Variants in C2orf72 observed in about 807,000 individuals in gnomAD.
C2orf72 encodes the protein uncharacterized protein C2orf72.
C2orf72 carries 16 observed loss-of-function variants against 14.4 expected under a neutral mutation model. That is an observed-to-expected ratio of 1.11 (90% CI 0.75 to 1.69). C2orf72 has a LOEUF of 1.69. Ranked by LOEUF, C2orf72 falls within the 40% of genes most tolerant of loss-of-function variation. The pLI is 0.00. For missense variants in C2orf72, 371 were observed against 358.3 expected (o/e 1.04, Z -0.29); for synonymous variants, 168 against 176.8 (o/e 0.95, Z 0.40).
chr2:231,045,137 G>A (rs772094145), intron 2 of C2orf72, among the ~76,000 whole-genome samples: 3 of 151,754 alleles, frequency 2.0e-5, no homozygotes, highest in South Asian at 2.1e-4. Context: ...GGTGGCACAC[G>A]CCTGTAATCT....
In C2orf72 at chr2:231,047,562, G is replaced by A. The variant is rs1327902099; in HGVS notation, c.*541G>A. 3 of 260,162 alleles carry A rather than the reference G, an allele frequency of 1.2e-5. No individual in the cohort carries two copies. Among genetic ancestry groups the A allele is most frequent in the African/African-American group, 2.2e-5 (1 of 45,264 alleles). The allele number at this position is 260,162 out of a possible 1,614,324, so 16.1% of individuals were successfully genotyped here. ...TCCAGGCAGCATTGGAAATGTGTGT[G>A]TGTTGAGGGGGTCACAGTGACTGTG... On this transcript the variant is annotated 3_prime_UTR_variant, in exon 3 of 3. Transcript: ENST00000373640.
chr2:231,048,517 C>T lies in C2orf72; in HGVS notation c.*1496C>T, dbSNP rs1424720092. 6.5e-6 allele frequency: 1 copy of T among 152,792 alleles called. No homozygotes were observed. The highest frequency in any genetic ancestry group is 1.5e-5 in the Non-Finnish European group (1 of 68,510). The allele number at this position is 152,792 out of a possible 1,614,324, so 9.5% of individuals were successfully genotyped here. A position where few individuals can be genotyped will look rare whatever the true frequency, so the allele number is the denominator to read the frequency against. On this transcript the variant is annotated 3_prime_UTR_variant, in exon 3 of 3. Transcript: ENST00000373640. ...TAGCCCCTACCCCCAGCCCCTTGCTCCTGGACAGCAGTGGGTCTCACCTTT... is the reference window on the plus strand; with the variant it reads ...TAGCCCCTACCCCCAGCCCCTTGCTTCTGGACAGCAGTGGGTCTCACCTTT...
intron 2 of C2orf72, among the ~76,000 whole-genome samples, chr2:231,041,858 A>G (rs1311417909): frequency 2.0e-5 from 3 of 152,126 alleles, no homozygotes; most frequent in Non-Finnish European, 4.4e-5. Context: ...TGCTCAGAAA[A>G]GGGACCACCT....
At position 231,047,017 on chromosome 2, in the gene C2orf72, G is replaced by T; in HGVS notation, c.884G>T (p.Arg295Ile). The T allele has an allele frequency of 6.4e-7, 1 of 1,551,664 alleles. No individual in the cohort carries two copies. The highest frequency in any genetic ancestry group is 8.7e-7 in the Non-Finnish European group (1 of 1,146,994). The change falls in exon 3 of 3, where the codon AGA (arginine) becomes ATA (isoleucine). Residue 295 changes from arginine (R) to isoleucine (I), a missense_variant. Physicochemically the swap from Arg to Ile is moderately conservative, Grantham distance 97. This residue lies in a region of C2orf72 where 145 missense variants were observed against 149.4 expected (regional missense o/e 0.97). Transcript: ENST00000373640. The stretch of plus-strand genomic sequence containing the variant: ...CCTGCTGAGCCCACCGGAGACTCAA[G>T]ATGAAGGCTGGACCCTTGCGCTGTC... ...HTPAEPTGDS[R>I]
chr2:231,041,671 GA>G (rs1002110002), intron 2 of C2orf72, among the ~76,000 whole-genome samples: 44 of 152,182 alleles, frequency 2.9e-4, no homozygotes, highest in Middle Eastern at 3.4e-3. Flanking sequence ...GTGTCTCCAG[GA>G]GCATGGTGGG....
Position 231,047,529 on chromosome 2 carries a change from G to A in C2orf72, c.*508G>A. 1 of 280,240 alleles carries A rather than the reference G, an allele frequency of 3.6e-6. No individual in the cohort carries two copies. The allele number at this position is 280,240 out of a possible 1,614,324, so 17.4% of individuals were successfully genotyped here. On this transcript the variant is annotated 3_prime_UTR_variant, in exon 3 of 3. Coordinates refer to ENST00000373640, the MANE Select transcript of C2orf72 (RefSeq NM_001144994.2). ...CCCAGTGGCTTTAAACCAGGGGCAG[G>A]TTGTCCCTCCAGGCAGCATTGGAAA...
At chr2:231,042,876 T>G (rs150206648) in intron 2 of C2orf72, among the ~76,000 whole-genome samples, 3,100 of 152,312 alleles carry the variant, frequency 0.02, 43 homozygotes, top group Non-Finnish European at 0.035. Context: ...TGGTGGCACA[T>G]GCCTGTAATC....
chr2:231,049,105 T>G lies in C2orf72; in HGVS notation c.*2084T>G, dbSNP rs989490108. The G allele has an allele frequency of 3.3e-5, 5 of 152,150 alleles. No individual in the cohort carries two copies. The highest frequency in any genetic ancestry group is 7.4e-5 in the Non-Finnish European group (5 of 68,024). 9.4% of individuals were successfully genotyped at this position (152,150 alleles called of 1,614,324 possible). A position where few individuals can be genotyped will look rare whatever the true frequency, so the allele number is the denominator to read the frequency against. On this transcript the variant is annotated 3_prime_UTR_variant, in exon 3 of 3. Transcript: ENST00000373640. ...GCTGTCATCTCAAGTCTGCTGCGGCTCACCCCCACCACCTTTACCCCCTCC... is the reference window on the plus strand; with the variant it reads ...GCTGTCATCTCAAGTCTGCTGCGGCGCACCCCCACCACCTTTACCCCCTCC...
In C2orf72 at chr2:231,046,839, A is replaced by G. The variant is rs1379788304; in HGVS notation, c.749-43A>G. The G allele has an allele frequency of 3.3e-6, 5 of 1,520,756 alleles. No individual in the cohort carries two copies. In the South Asian group the frequency reaches 5.0e-5, roughly 15 times the overall value. The allele number at this position is 1,520,756 out of a possible 1,614,324, so 94.2% of individuals were successfully genotyped here. On this transcript the variant is annotated intron_variant, in intron 2 of 2. Transcript: ENST00000373640. ...TTCCTTCCTAGATAACTCACTCACA[A>G]CCTTTCTCTTCTGATTCAGTGATTT... is the stretch of plus-strand genomic sequence containing the variant.
At chr2:231,045,298 G>T (rs1447675206) in intron 2 of C2orf72, among the ~76,000 whole-genome samples, 2 of 151,736 alleles carry the variant, frequency 1.3e-5, no homozygotes, top group Admixed American at 6.6e-5. Context: ...TATAGAGAGA[G>T]AGAGAGACAG....
chr2:231,040,563 A>G (rs180930084), intron 1 of C2orf72, among the ~76,000 whole-genome samples: 4 of 152,334 alleles, frequency 2.6e-5, no homozygotes, highest in Admixed American at 2.6e-4. Context: ...GGGCAGAACT[A>G]TTATCTTCAC....
intron 2 of C2orf72, among the ~76,000 whole-genome samples, chr2:231,045,842 C>T (rs1693408796): frequency 6.6e-6 from 1 of 152,154 alleles, no homozygotes; most frequent in Non-Finnish European, 1.5e-5. Context: ...CTTATGGGAC[C>T]ACTCTCTTAT....
chr2:231,046,564 G>A (rs1043802517), intron 2 of C2orf72, among the ~76,000 whole-genome samples: 2 of 151,954 alleles, frequency 1.3e-5, no homozygotes, highest in Non-Finnish European at 2.9e-5. Context: ...TTGATTCAGG[G>A]GCTCAGGGAC....
chr2:231,047,030 C>T lies in C2orf72; in HGVS notation c.*9C>T. On this transcript the variant is annotated 3_prime_UTR_variant, in exon 3 of 3. Coordinates refer to ENST00000373640, the MANE Select transcript of C2orf72 (RefSeq NM_001144994.2). ...CCGGAGACTCAAGATGAAGGCTGGA[C>T]CCTTGCGCTGTCCCTGGCTCTAACC... 1 of 1,551,638 alleles carries T rather than the reference C, an allele frequency of 6.4e-7. No homozygotes were observed. Among genetic ancestry groups the T allele is most frequent in the East Asian group, 2.4e-5 (1 of 40,904 alleles).
At chr2:231,045,510 C>CT (rs1007020692) in intron 2 of C2orf72, among the ~76,000 whole-genome samples, 2,466 of 87,446 alleles carry the variant, frequency 0.028, 19 homozygotes, top group African/African-American at 0.031. Context: ...GTGTTTCAAT[C>CT]TTTTTTTTTT....
chr2:231,042,440 A>G (rs1693356284), intron 2 of C2orf72, among the ~76,000 whole-genome samples: 1 of 152,204 alleles, frequency 6.6e-6, no homozygotes, highest in Non-Finnish European at 1.5e-5. Flanking sequence ...CAAAAGTTAC[A>G]GGAATGAGGT....
intron 2 of C2orf72, among the ~76,000 whole-genome samples, chr2:231,043,065 T>A (rs976399654): frequency 1.3e-5 from 2 of 152,262 alleles, no homozygotes; most frequent in Non-Finnish European, 2.9e-5. Context: ...TGATTAGGTG[T>A]CTGACTTCTT....
chr2:231,039,069 A>G (rs1194765383), intron 1 of C2orf72, among the ~76,000 whole-genome samples: 2 of 151,928 alleles, frequency 1.3e-5, no homozygotes, highest in Admixed American at 6.6e-5. Context: ...TGGCTATCGC[A>G]AGGACAAAAA....
intron 2 of C2orf72, among the ~76,000 whole-genome samples, chr2:231,041,770 G>A (rs62193692): frequency 1.3e-5 from 2 of 151,756 alleles, no homozygotes; most frequent in East Asian, 3.9e-4. Flanking sequence ...TTGATCCGGG[G>A]ATGGAGGGAT....
Sources: gnomAD v4.1 joint callset for allele counts (sites outside exome capture counted in the v4.1 genomes callset) on GRCh38, gnomAD v4.1.1 for gene constraint, gnomAD v4.1.1 regional missense constraint, MANE v1.5 for transcripts, NCBI Gene and HGNC (gene_info 2026-07-23, HGNC 2026-07-21) for gene names.